Variants in CCDC81 observed in about 807,000 individuals in gnomAD.
The protein encoded by CCDC81 is coiled-coil domain containing 81.
A neutral mutation model predicts 83.7 loss-of-function variants in CCDC81; 79 were observed. That is an observed-to-expected ratio of 0.94 (90% CI 0.79 to 1.14). The LOEUF is 1.14. Ranked by LOEUF, CCDC81 falls within the 50% of genes most tolerant of loss-of-function variation. CCDC81 has a pLI of 0.00. For synonymous variants in CCDC81, 252 were observed against 278.1 expected (o/e 0.91, Z 0.93); for missense variants, 791 against 778.1 (o/e 1.02, Z -0.20).
intron 6 of CCDC81, among the ~76,000 whole-genome samples, 179 bp from the exon 7 acceptor site, chr11:86,400,499 C>T (rs1220769734): frequency 1.3e-5 from 2 of 152,194 alleles, no homozygotes; most frequent in Non-Finnish European, 2.9e-5. Flanking sequence ...ATGCTTAGCA[C>T]AGTGCTTTCT....
intron 1 of CCDC81, among the ~76,000 whole-genome samples, chr11:86,377,754 C>T (rs1948117062): frequency 6.6e-6 from 1 of 152,022 alleles, no homozygotes; most frequent in South Asian, 2.1e-4. Context: ...TTTCACAGAG[C>T]AGAAGTTTTA....
chr11:86,404,923 A>G (rs552522276), intron 7 of CCDC81, among the ~76,000 whole-genome samples: 175 of 152,264 alleles, frequency 1.1e-3, no homozygotes, highest in Admixed American at 3.0e-3. Context: ...AATGTTAGTT[A>G]TTTGGTACTT....
rs758080119 is a variant in CCDC81, at chr11:86,387,538, G to C, written c.164G>C (p.Gly55Ala). 1.9e-6 allele frequency: 3 copies of C among 1,613,780 alleles called. No homozygotes were observed. Among genetic ancestry groups the C allele is most frequent in the Non-Finnish European group, 2.5e-6 (3 of 1,179,978 alleles). Reference sequence around the variant, plus strand: ...CAGGGGGTTCAGATTCCAGCATTTGGAACTTTCACTTTCATAAGACAAAAG... The same window carrying C: ...CAGGGGGTTCAGATTCCAGCATTTGCAACTTTCACTTTCATAAGACAAAAG... ...LHKGVQIPAF[G>A]TFTFIRQKLE... The change falls in exon 3 of 15, where the codon GGA (glycine) becomes GCA (alanine). Residue 55 changes from glycine to alanine, a missense_variant. Coordinates refer to ENST00000445632, the MANE Select transcript of CCDC81 (RefSeq NM_001156474.2).
At chr11:86,413,722 A>T (rs1224208324) in intron 11 of CCDC81, among the ~76,000 whole-genome samples, 1 of 152,190 alleles carries the variant, frequency 6.6e-6, no homozygotes, top group African/African-American at 2.4e-5. Flanking sequence ...TAGATGTTCA[A>T]ATGACCTCAT....
In CCDC81 at chr11:86,408,176, A is replaced by G. The variant is rs891412490; in HGVS notation, c.1019A>G (p.Tyr340Cys). ...CGAGCACAACGAAATTCCCTGTTGT[A>G]CTACAGTGAGGAAAGGAGGAGAGAG... Reference protein sequence around the residue: ...LQRAQRNSLLYYSEERRREIE... With the variant: ...LQRAQRNSLLCYSEERRREIE... The change falls in exon 9 of 15, where the codon TAC (tyrosine) becomes TGC (cysteine). Residue 340 changes from tyrosine (Y) to cysteine (C), a missense_variant. By Grantham distance (194) the Tyr-to-Cys change is radical. Coordinates refer to ENST00000445632, the MANE Select transcript of CCDC81 (RefSeq NM_001156474.2). The G allele has an allele frequency of 6.2e-6, 10 of 1,613,926 alleles. No individual in the cohort carries two copies. Among genetic ancestry groups the G allele is most frequent in the Non-Finnish European group, 5.9e-6 (7 of 1,179,962 alleles).
In CCDC81 at chr11:86,378,159, C is replaced by T. The variant is rs143461776; in HGVS notation, c.79+2917C>T. Among the ~76,000 whole-genome samples the T allele has an allele frequency of 5.9e-3, 899 of 152,110 alleles. 12 individuals are homozygous for T. The highest frequency in any genetic ancestry group is 0.019 in the African/African-American group (784 of 41,514). ...ATTTGTCTGTTCTTTTGTCAATACA[C>T]ACTGTCTTGATGACTCAGCTTTATT... On this transcript the variant is annotated intron_variant, in intron 1 of 14. Coordinates refer to ENST00000445632, the MANE Select transcript of CCDC81 (RefSeq NM_001156474.2).
At position 86,422,780 on chromosome 11, in the gene CCDC81, T is replaced by G. The variant is rs775798005; in HGVS notation, c.*65T>G. Reference sequence around the variant, plus strand: ...TATCTTTTACATGTTTGGGGGTGATTGTGAAACTGCGTATTTTTACCTCAG... The same window carrying G: ...TATCTTTTACATGTTTGGGGGTGATGGTGAAACTGCGTATTTTTACCTCAG... On this transcript the variant is annotated 3_prime_UTR_variant, in exon 15 of 15. Transcript: ENST00000445632. 551 of 1,474,670 alleles carry G rather than the reference T, an allele frequency of 3.7e-4. 1 individual carries two copies. The highest frequency in any genetic ancestry group is 4.4e-4 in the Admixed American group (22 of 49,990). The allele number at this position is 1,474,670 out of a possible 1,614,324, so 91.3% of individuals were successfully genotyped here. A position where few individuals can be genotyped will look rare whatever the true frequency, so the allele number is the denominator to read the frequency against.
intron 3 of CCDC81, 54 bp from the exon 4 acceptor site, chr11:86,392,487 C>T: frequency 6.5e-7 from 1 of 1,531,828 alleles, no homozygotes; most frequent in Non-Finnish European, 8.8e-7. Context: ...ATGATATGTC[C>T]TTATGGTAAT....
chr11:86,398,538 T>C (rs1271273156), intron 6 of CCDC81, among the ~76,000 whole-genome samples: 1 of 152,134 alleles, frequency 6.6e-6, no homozygotes, highest in Non-Finnish European at 1.5e-5. Flanking sequence ...ATTTTTTTTT[T>C]TTTTAACCAA....
intron 7 of CCDC81, among the ~76,000 whole-genome samples, chr11:86,404,177 C>T (rs543870645): frequency 1.3e-5 from 2 of 152,104 alleles, no homozygotes; most frequent in African/African-American, 2.4e-5. Context: ...TTAAATCAAA[C>T]CTTTAGGGAA....
chr11:86,408,239 T>G lies in CCDC81; in HGVS notation c.1082T>G (p.Leu361Ter). 6.2e-7 allele frequency: 1 copy of G among 1,613,918 alleles called. No homozygotes were observed. Among genetic ancestry groups the G allele is most frequent in the Non-Finnish European group, 8.5e-7 (1 of 1,179,916 alleles). Residue 361 changes from leucine (L) to a stop codon, truncating the protein, a stop_gained, in exon 9 of 15, where the codon TTA (leucine) becomes TGA (stop). Transcript: ENST00000445632. LOFTEE classifies it high-confidence loss of function. ...AGACTCATACAGCAGTATCAGATGT[T>G]AAAGGATCAGGAGGCTCTCTTCAGA... ...DERLIQQYQM[L>*]KDQEALFRHQ...
intron 1 of CCDC81, 50 bp downstream of exon 1, chr11:86,375,292 T>G: frequency 6.6e-7 from 1 of 1,507,420 alleles, no homozygotes; most frequent in East Asian, 2.3e-5. Flanking sequence ...AATCTTCATC[T>G]GCTTGCAGGG....
At chr11:86,415,448 A>T in intron 13 of CCDC81, 135 bp downstream of exon 13, 1 of 668,936 alleles carries the variant, frequency 1.5e-6, no homozygotes, top group South Asian at 1.9e-5. Flanking sequence ...TAGCTAACAC[A>T]CTGAGGAGTT....
rs984970970 is a variant in CCDC81 at position 86,387,451 on chromosome 11, T to C, written c.142-65T>C. 3.4e-6 allele frequency: 5 copies of C among 1,485,006 alleles called. No homozygotes were observed. In the African/African-American group the frequency reaches 5.6e-5, roughly 17 times the overall value. 92.0% of individuals were successfully genotyped at this position (1,485,006 alleles called of 1,614,324 possible). A position where few individuals can be genotyped will look rare whatever the true frequency, so the allele number is the denominator to read the frequency against. On this transcript the variant is annotated intron_variant, in intron 2 of 14. Coordinates refer to ENST00000445632, the MANE Select transcript of CCDC81 (RefSeq NM_001156474.2). ...TCTCTTCGTGTTTTTTAGATAATAA[T>C]ATTAAGGATTATTTTTTCTTCACTC...
chr11:86,413,112 CCT>C (rs1003810781), intron 11 of CCDC81, among the ~76,000 whole-genome samples: 5 of 152,060 alleles, frequency 3.3e-5, no homozygotes, highest in African/African-American at 4.8e-5. Context: ...ATGGTATTCC[CCT>C]GAGTCGGGCT....
At chr11:86,378,115 T>A (rs576388456) in intron 1 of CCDC81, among the ~76,000 whole-genome samples, 2 of 152,174 alleles carry the variant, frequency 1.3e-5, no homozygotes, top group East Asian at 3.9e-4. Flanking sequence ...CTGGGCTCTC[T>A]TTTGTGTCCT....
intron 5 of CCDC81, 30 bp from the exon 6 acceptor site, chr11:86,397,591 C>A: frequency 1.3e-6 from 2 of 1,596,812 alleles, no homozygotes; most frequent in Non-Finnish European, 1.7e-6. Context: ...AGGTTCAGTG[C>A]AGCAGAAAAA....
intron 1 of CCDC81, among the ~76,000 whole-genome samples, chr11:86,380,225 T>C (rs953977265): frequency 3.9e-5 from 6 of 152,158 alleles, no homozygotes; most frequent in Non-Finnish European, 5.9e-5. Context: ...GGATGCAGAA[T>C]TTTAGGTTGG....
chr11:86,377,968 C>CTTTTTTTTTTTTTTTTTTTTTTTTTTTTT (rs61157417), intron 1 of CCDC81, among the ~76,000 whole-genome samples: 1 of 73,350 alleles, frequency 1.4e-5, no homozygotes, highest in African/African-American at 5.2e-5. Flanking sequence ...TGCCTAGGTT[C>CTTTTTTTTTTTTTTTTTTTTTTTTTTTTT]TTTTTTTTTT....
Sources: allele counts gnomAD v4.1 joint callset (sites outside exome capture counted in the v4.1 genomes callset), GRCh38; gene constraint gnomAD v4.1.1; transcripts MANE v1.5; gene names NCBI Gene and HGNC (gene_info 2026-07-23, HGNC 2026-07-21).